The following ANK3 variants were observed in gnomAD, a reference collection of about 807,000 sequenced individuals.
ANK3 encodes the protein ankyrin 3, also known as ankyrin-3.
Under a neutral mutation model 370.9 loss-of-function variants are expected in ANK3, and 57 were observed. That is an observed-to-expected ratio of 0.15 (90% CI 0.12 to 0.19). The LOEUF (loss-of-function observed/expected upper bound fraction) is 0.19. ANK3 is among the 10% of genes least tolerant of loss of function. ANK3 has a pLI of 1.00. For synonymous variants in ANK3, 1,929 were observed against 1,946.3 expected (o/e 0.99, Z 0.23); for missense variants, 4,439 against 5,302.1 (o/e 0.84, Z 5.06).
chr10:60,387,090 G>T (rs540742726), intron 1 of ANK3, among the ~76,000 whole-genome samples: 2 of 151,884 alleles, frequency 1.3e-5, no homozygotes, highest in African/African-American at 4.8e-5. Flanking sequence ...AAGCCAGGAG[G>T]TGGAGGTTGC....
chr10:60,144,103 C>T (rs2094697733), intron 23 of ANK3: 1 of 330,838 alleles, frequency 3.0e-6, no homozygotes, highest in Non-Finnish European at 5.8e-6. Context: ...CAGCTGCTGA[C>T]TGCAATCTCA....
At position 60,229,940 on chromosome 10, in the gene ANK3, C is replaced by A. The variant is rs143191750; in HGVS notation, c.897+4748G>T. ...GTGGTAATGGGTTTCTCTGAGGATG[C>A]AGGCAGTGGCAACTCGCTAGAAAGG... On this transcript the variant is annotated intron_variant, in intron 8 of 43. Coordinates refer to ENST00000280772, the MANE Select transcript of ANK3 (RefSeq NM_020987.5). Among the ~76,000 whole-genome samples the A allele has an allele frequency of 7.1e-4, 108 of 152,196 alleles. 1 individual carries two copies. The highest frequency in any genetic ancestry group is 2.5e-3 in the African/African-American group (104 of 41,514).
chr10:60,308,164 T>G (rs1177040840), intron 1 of ANK3, among the ~76,000 whole-genome samples: 2 of 152,214 alleles, frequency 1.3e-5, no homozygotes, highest in Admixed American at 6.5e-5. Context: ...GTATTCAATA[T>G]TTCCTGTGAT....
At chr10:60,649,315 A>T (rs997514394) in intron 1 of ANK3, among the ~76,000 whole-genome samples, 2 of 151,896 alleles carry the variant, frequency 1.3e-5, no homozygotes, top group African/African-American at 4.8e-5. Context: ...TCAAAAAAAA[A>T]TACTTTTTAA....
intron 2 of ANK3, among the ~76,000 whole-genome samples, chr10:60,562,413 G>T (rs2077357421): frequency 6.6e-6 from 1 of 151,790 alleles, no homozygotes; most frequent in South Asian, 2.1e-4. Context: ...TGTTTCGGGG[G>T]GGGCATCCGT....
chr10:60,587,494 C>T (rs745693419), intron 2 of ANK3, among the ~76,000 whole-genome samples: 13 of 152,028 alleles, frequency 8.6e-5, no homozygotes, highest in Non-Finnish European at 1.3e-4. Context: ...AGATCTGGAG[C>T]GGAGAAATGT....
Position 60,108,911 on chromosome 10 carries a change from G to A in ANK3, c.3092C>T (p.Ala1031Val). Residue 1031 changes from alanine to valine, a missense_variant, in exon 27 of 44, where the codon GCC (alanine) becomes GTC (valine). This residue lies in a region of ANK3 where 702 missense variants were observed against 941.5 expected (regional missense o/e 0.75). Transcript: ENST00000280772. ...TCCTTCCACCATGGGGGGTGGGTTG[G>A]CCAGTTTATGTCTCTTTACCAAACG... ...TCRLVKRHKL[A>V]NPPPMVEGEG... The A allele has an allele frequency of 6.2e-7, 1 of 1,614,098 alleles. No homozygotes were observed. Among genetic ancestry groups the A allele is most frequent in the Non-Finnish European group, 8.5e-7 (1 of 1,179,970 alleles).
chr10:60,074,284 A>C lies in ANK3; in HGVS notation c.6597T>G (p.Thr2199=), dbSNP rs146801915. The change falls in exon 37 of 44, where the codon ACT becomes ACG. Residue 2199 remains threonine (T), a synonymous_variant. Transcript: ENST00000280772. ...TGGGCTTTGGTTCCAATTCCATAAA[A>C]GTAGGTGAAGGTTTAGGTGACACAG... ...EEPVSPKPSP[T]FMELEPKPTT... 172 of 1,614,076 alleles carry C rather than the reference A, an allele frequency of 1.1e-4. No homozygotes were observed. The African/African-American group carries it at 1.8e-3, about 17-fold the overall frequency.
At chr10:60,658,336 T>C (rs554385238) in intron 1 of ANK3, among the ~76,000 whole-genome samples, 1 of 152,154 alleles carries the variant, frequency 6.6e-6, no homozygotes, top group East Asian at 1.9e-4. Flanking sequence ...GGCTTTCTGC[T>C]GTATCTCTTC....
intron 2 of ANK3, among the ~76,000 whole-genome samples, chr10:60,449,958 T>G (rs1408812171): frequency 1.3e-5 from 2 of 148,978 alleles, no homozygotes; most frequent in South Asian, 2.2e-4. Flanking sequence ...ACCAAAAAAT[T>G]TAGTGGTGCG....
chr10:60,594,473 T>C (rs772831931), intron 2 of ANK3, among the ~76,000 whole-genome samples: 10 of 152,196 alleles, frequency 6.6e-5, no homozygotes, highest in Non-Finnish European at 1.2e-4. Flanking sequence ...ACCTGATTCT[T>C]TCCAGTCTTA....
At chr10:60,566,945 T>C (rs1353251876) in intron 2 of ANK3, among the ~76,000 whole-genome samples, 1 of 152,180 alleles carries the variant, frequency 6.6e-6, no homozygotes, top group East Asian at 1.9e-4. Flanking sequence ...TGCAATTCTG[T>C]GAAGACAAGA....
At chr10:60,391,672 A>G (rs192476462), upstream of ANK3, among the ~76,000 whole-genome samples, 59 of 152,366 alleles carry the variant, frequency 3.9e-4, no homozygotes, top group Middle Eastern at 6.8e-3. Flanking sequence ...AAATATATTT[A>G]GAAGTGTGCT....
intron 2 of ANK3, among the ~76,000 whole-genome samples, chr10:60,514,952 T>C (rs2076181023): frequency 6.6e-6 from 1 of 152,140 alleles, no homozygotes; most frequent in Non-Finnish European, 1.5e-5. Context: ...ACTAACTAGA[T>C]CTCTAGGCTC....
intron 8 of ANK3, among the ~76,000 whole-genome samples, chr10:60,215,080 T>C (rs2096915737): frequency 6.6e-6 from 1 of 152,208 alleles, no homozygotes; most frequent in Non-Finnish European, 1.5e-5. Flanking sequence ...AGTATCTCAC[T>C]GTGGTTTTGA....
At chr10:60,547,652 G>A (rs1163470059) in intron 2 of ANK3, among the ~76,000 whole-genome samples, 2 of 149,362 alleles carry the variant, frequency 1.3e-5, no homozygotes, top group Admixed American at 7.0e-5. Context: ...GGAGGGTGGT[G>A]GTGGAGACAG....
At chr10:60,375,598 T>C (rs774084547) in intron 1 of ANK3, among the ~76,000 whole-genome samples, 1 of 152,170 alleles carries the variant, frequency 6.6e-6, no homozygotes, top group Non-Finnish European at 1.5e-5. Flanking sequence ...CAGAAGCAGC[T>C]GGAGCTGCAC....
intron 2 of ANK3, among the ~76,000 whole-genome samples, chr10:60,577,426 T>C (rs1280086818): frequency 2.0e-5 from 3 of 152,164 alleles, no homozygotes; most frequent in African/African-American, 4.8e-5. Context: ...TTCCCACCTG[T>C]TGTGGGAGGG....
At chr10:60,167,008 T>C (rs2095642276) in intron 21 of ANK3, 112 bp from the exon 22 acceptor site, 2 of 869,366 alleles carry the variant, frequency 2.3e-6, no homozygotes, top group East Asian at 5.0e-5. Flanking sequence ...GTTGAATATC[T>C]TGAATCTCCC....
Sources: allele counts gnomAD v4.1 joint callset (sites outside exome capture counted in the v4.1 genomes callset), GRCh38; gene constraint gnomAD v4.1.1; regional missense constraint gnomAD v4.1.1; transcripts MANE v1.5; gene names NCBI Gene and HGNC (gene_info 2026-07-23, HGNC 2026-07-21).